RIMS1: variants seen among roughly 807,000 people sequenced by gnomAD.
The protein encoded by RIMS1 is regulating synaptic membrane exocytosis 1.
In RIMS1, 83 loss-of-function variants were observed where a neutral mutation model predicts 214.1. The observed-to-expected ratio is 0.39, with a 90% CI of 0.32 to 0.47. The LOEUF (loss-of-function observed/expected upper bound fraction) is 0.47. Ranked by LOEUF, RIMS1 falls within the 20% of genes least tolerant of loss-of-function variation. RIMS1 has a pLI of 0.99. For synonymous variants in RIMS1, 793 were observed against 786.8 expected (o/e 1.01, Z -0.13); for missense variants, 2,050 against 2,161.8 (o/e 0.95, Z 1.03).
intron 4 of RIMS1, among the ~76,000 whole-genome samples, chr6:72,142,137 T>A (rs1053148257): frequency 6.6e-6 from 1 of 151,982 alleles, no homozygotes; most frequent in Non-Finnish European, 1.5e-5. Context: ...ATTAATTTAA[T>A]CTGGCCCCTC....
At chr6:72,242,802 A>T (rs991996360) in intron 10 of RIMS1, among the ~76,000 whole-genome samples, 1 of 151,840 alleles carries the variant, frequency 6.6e-6, no homozygotes, top group Non-Finnish European at 1.5e-5. Context: ...TCTTCTTGTG[A>T]TATTTAAAAT....
At chr6:71,887,302 T>G (rs1582809268) in intron 1 of RIMS1, 115 bp downstream of exon 1, 3 of 1,398,858 alleles carry the variant, frequency 2.1e-6, no homozygotes, top group Non-Finnish European at 2.9e-6. Context: ...GGGTGCTGGG[T>G]GCGGACGGAG....
At chr6:72,252,892 A>T in intron 16 of RIMS1, 60 bp downstream of exon 16, 3 of 1,281,620 alleles carry the variant, frequency 2.3e-6, no homozygotes, top group Non-Finnish European at 3.3e-6. Flanking sequence ...TTTCTCTGTC[A>T]GCTTCCGGAC....
chr6:71,891,883 G>A (rs1482784639), intron 1 of RIMS1, among the ~76,000 whole-genome samples: 3 of 152,186 alleles, frequency 2.0e-5, no homozygotes, highest in African/African-American at 7.2e-5. Flanking sequence ...GAGCTTCCTG[G>A]AAAGATATCA....
rs2095255107 is a variant in RIMS1, at chr6:72,307,241, A to G, written c.3851-17A>G. 1 of 1,531,772 alleles carries G rather than the reference A, an allele frequency of 6.5e-7. No homozygotes were observed. The highest frequency in any genetic ancestry group is 8.9e-7 in the Non-Finnish European group (1 of 1,117,452). 94.9% of individuals were successfully genotyped at this position (1,531,772 alleles called of 1,614,324 possible). On this transcript the variant is annotated splice_polypyrimidine_tract_variant and intron_variant, in intron 26 of 33. Coordinates refer to ENST00000521978, the MANE Select transcript of RIMS1 (RefSeq NM_014989.7). ...TCTTCACATGTTTTAATAGGCTTCC[A>G]TTATGTGTTTTTGCAGCAAGCTTAG...
chr6:72,261,596 TAA>T (rs1312588362), intron 19 of RIMS1: 1 of 982,024 alleles, frequency 1.0e-6, no homozygotes, highest in Non-Finnish European at 1.2e-6. Context: ...TGAAACAAAC[TAA>T]CACAAAATAA....
chr6:72,196,603 T>TTTTA lies in RIMS1; in HGVS notation c.1678+13454_1678+13455insTTTA, dbSNP rs780611745. On this transcript the variant is annotated intron_variant, in intron 6 of 33. Transcript: ENST00000521978. ...CACTTTTTTTTTTTTTTTTTTTTTT[T>TTTTA]ACCTATACAGGAAATGGGTTAAAAG... Among the ~76,000 whole-genome samples, 27 of 132,286 alleles carry TTTTA rather than the reference T, an allele frequency of 2.0e-4. 3 individuals are homozygous for TTTTA. The highest frequency in any genetic ancestry group is 5.8e-4 in the African/African-American group (21 of 36,072). The allele number at this position is 132,286 out of a possible 152,430, so 86.8% of individuals were successfully genotyped here.
rs149526442 is a variant in RIMS1 at position 72,233,412 on chromosome 6, G to A, written c.1679-361G>A. ...CACTATATTTTAGTACTTACCTCAT[G>A]TCAATGAATAAAATTTTAGCCAGCA... On this transcript the variant is annotated intron_variant, in intron 6 of 33. Coordinates refer to ENST00000521978, the MANE Select transcript of RIMS1 (RefSeq NM_014989.7). 3.5e-3 allele frequency among the ~76,000 whole-genome samples: 529 copies of A among 151,470 alleles called. 1 individual carries two copies. The highest frequency in any genetic ancestry group is 5.8e-3 in the Non-Finnish European group (395 of 67,700).
chr6:72,395,280 A>G (rs1241404047), intron 31 of RIMS1, among the ~76,000 whole-genome samples: 1 of 152,074 alleles, frequency 6.6e-6, no homozygotes, highest in Non-Finnish European at 1.5e-5. Flanking sequence ...AAAACCTGAG[A>G]GATTGAAAGA....
chr6:72,257,921 ACTGTAAC>A (rs1454786441), intron 16 of RIMS1, among the ~76,000 whole-genome samples, 197 bp from the exon 17 acceptor site: 1 of 152,156 alleles, frequency 6.6e-6, no homozygotes, highest in Non-Finnish European at 1.5e-5. Context: ...TTTGAGCAAA[ACTGTAAC>A]CTGTTTCAAT....
intron 2 of RIMS1, among the ~76,000 whole-genome samples, chr6:72,019,393 C>G (rs1433888715): frequency 2.0e-5 from 3 of 152,080 alleles, no homozygotes; most frequent in Non-Finnish European, 4.4e-5. Context: ...AAGTGAGGAT[C>G]AGATAAGAAA....
intron 29 of RIMS1, among the ~76,000 whole-genome samples, chr6:72,387,321 C>T (rs1486349368): frequency 1.3e-5 from 2 of 152,170 alleles, no homozygotes; most frequent in African/African-American, 2.4e-5. Context: ...CCATGATCCT[C>T]GTGATTTTCA....
chr6:72,149,654 G>A (rs1289062163), intron 4 of RIMS1, among the ~76,000 whole-genome samples: 1 of 152,198 alleles, frequency 6.6e-6, no homozygotes, highest in Non-Finnish European at 1.5e-5. Flanking sequence ...AGGACAAAAA[G>A]TCTTGGGAAA....
chr6:72,183,749 C>T (rs946417572), intron 6 of RIMS1, among the ~76,000 whole-genome samples: 1 of 150,976 alleles, frequency 6.6e-6, no homozygotes, highest in African/African-American at 2.4e-5. Flanking sequence ...TGTGGACGAA[C>T]CGGGTAGCCT....
rs969259331 is a variant in RIMS1 at position 72,019,635 on chromosome 6, C to G, written c.245+50572C>G. Among the ~76,000 whole-genome samples the G allele has an allele frequency of 2.0e-5, 3 of 152,124 alleles. No individual in the cohort carries two copies. The South Asian group carries it at 6.2e-4, about 32-fold the overall frequency. ...TTTGAATGGCTGTAGACTTAACATT[C>G]TGGAAAATTATTTCACCTTGATAAT... On this transcript the variant is annotated intron_variant, in intron 2 of 33. Coordinates refer to ENST00000521978, the MANE Select transcript of RIMS1 (RefSeq NM_014989.7).
intron 1 of RIMS1, among the ~76,000 whole-genome samples, chr6:71,936,198 G>A (rs1784376899): frequency 6.6e-6 from 1 of 151,462 alleles, no homozygotes; most frequent in African/African-American, 2.4e-5. Flanking sequence ...GTGGTAGCGG[G>A]CGCCTGTAGT....
At chr6:72,304,628 G>A (rs1227867354) in intron 26 of RIMS1, among the ~76,000 whole-genome samples, 2 of 151,766 alleles carry the variant, frequency 1.3e-5, no homozygotes, top group Non-Finnish European at 2.9e-5. Context: ...AAAATCTTTA[G>A]CAAAGTTAAA....
At position 72,262,491 on chromosome 6, in the gene RIMS1, G is replaced by A. The variant is rs759383377; in HGVS notation, c.3116+1724G>A. The A allele has an allele frequency of 8.1e-6, 8 of 985,138 alleles. No individual in the cohort carries two copies. In the East Asian group the frequency reaches 4.5e-4, roughly 56 times the overall value. The allele number at this position is 985,138 out of a possible 1,614,324, so 61.0% of individuals were successfully genotyped here. On this transcript the variant is annotated intron_variant, in intron 19 of 33. Coordinates refer to ENST00000521978, the MANE Select transcript of RIMS1 (RefSeq NM_014989.7). ...CTGAGCTAGCCAAATGTGTCAGTGC[G>A]AAACATATGTCACCAGTGTCTTTTC... is the stretch of plus-strand genomic sequence containing the variant.
At chr6:72,202,662 A>G (rs575643866) in intron 6 of RIMS1, among the ~76,000 whole-genome samples, 16 of 152,328 alleles carry the variant, frequency 1.1e-4, no homozygotes, top group Admixed American at 7.8e-4. Context: ...GTGTACGTAC[A>G]TGATAAATAC....
Sources: allele counts gnomAD v4.1 joint callset (sites outside exome capture counted in the v4.1 genomes callset), GRCh38; gene constraint gnomAD v4.1.1; transcripts MANE v1.5; gene names NCBI Gene and HGNC (gene_info 2026-07-23, HGNC 2026-07-21).